Variants in PDZD2 observed in about 807,000 individuals in gnomAD.
PDZD2 encodes PDZ domain-containing protein 2.
In PDZD2, 90 loss-of-function variants were observed where a neutral mutation model predicts 220.7. The ratio of observed to expected loss-of-function variants is 0.41; its 90% confidence interval spans 0.34 to 0.49. The LOEUF (loss-of-function observed/expected upper bound fraction) is 0.49. PDZD2 is among the 20% of genes least tolerant of loss of function. The pLI is 0.28. For missense variants in PDZD2, 3,174 were observed against 3,608.5 expected, an observed-to-expected ratio of 0.88 and a Z score of 3.08; for synonymous variants, 1,375 against 1,450.5, an observed-to-expected ratio of 0.95 and a Z score of 1.18.
At chr5:31,680,529 T>A (rs1490567339) in intron 1 of PDZD2, among the ~76,000 whole-genome samples, 1 of 151,496 alleles carries the variant, frequency 6.6e-6, no homozygotes, top group Non-Finnish European at 1.5e-5. Context: ...AAAAAAAAAA[T>A]ACTCCTCATT....
In PDZD2 at chr5:31,908,825, A is replaced by G. The variant is rs1297039054; in HGVS notation, c.477-74330A>G. 1.2e-5 allele frequency: 7 copies of G among 588,866 alleles called. No homozygotes were observed. In the East Asian group the frequency reaches 3.5e-4, roughly 30 times the overall value. 36.5% of individuals were successfully genotyped at this position (588,866 alleles called of 1,614,324 possible). On this transcript the variant is annotated intron_variant, in intron 2 of 24. Transcript: ENST00000438447. ...TTTGGGAGGCTGAGGCGGGAGGATCACTTGAGCTCAGGAGTTTGAGACCAG... is the reference window on the plus strand; with the variant it reads ...TTTGGGAGGCTGAGGCGGGAGGATCGCTTGAGCTCAGGAGTTTGAGACCAG...
intron 2 of PDZD2, among the ~76,000 whole-genome samples, chr5:31,969,643 G>A (rs899555714): frequency 7.2e-5 from 11 of 151,812 alleles, no homozygotes; most frequent in Non-Finnish European, 1.6e-4. Context: ...GTGGGCATGA[G>A]GGATCTTATT....
At chr5:32,107,934 C>G (rs1744951009) in intron 24 of PDZD2, 35 bp from the exon 25 acceptor site, 1 of 1,513,266 alleles carries the variant, frequency 6.6e-7, no homozygotes, top group African/African-American at 1.4e-5. Flanking sequence ...TATGAAACTG[C>G]CAAGCTATTA....
chr5:32,026,575 C>A (rs1754685313), intron 6 of PDZD2, among the ~76,000 whole-genome samples: 1 of 152,088 alleles, frequency 6.6e-6, no homozygotes, highest in African/African-American at 2.4e-5. Context: ...ACACACACAC[C>A]TGATTTTGTC....
intron 1 of PDZD2, among the ~76,000 whole-genome samples, chr5:31,790,881 G>A (rs1753675562): frequency 6.6e-6 from 1 of 151,472 alleles, no homozygotes; most frequent in Non-Finnish European, 1.5e-5. Context: ...TGTATTTTTA[G>A]TAGAGACGGG....
chr5:32,058,498 G>A (rs1355184681), intron 12 of PDZD2, among the ~76,000 whole-genome samples: 5 of 132,256 alleles, frequency 3.8e-5, no homozygotes, highest in South Asian at 2.4e-4. Context: ...GCGAAACCCC[G>A]TTTCTACTAA....
At chr5:31,894,347 T>C (rs1194928132) in intron 2 of PDZD2, among the ~76,000 whole-genome samples, 4 of 152,070 alleles carry the variant, frequency 2.6e-5, no homozygotes, top group Non-Finnish European at 4.4e-5. Context: ...TCTGGTGTAC[T>C]CTTGAATGGA....
At position 32,043,904 on chromosome 5, in the gene PDZD2, G is replaced by T. The variant is rs182490291; in HGVS notation, c.1520-4635G>T. Among the ~76,000 whole-genome samples, 608 of 152,222 alleles carry T rather than the reference G, an allele frequency of 4.0e-3. 1 individual carries two copies. The highest frequency in any genetic ancestry group is 0.013 in the African/African-American group (557 of 41,540). Reference sequence around the variant, plus strand: ...GGCCTCCCAAAGTGCTGGGATATCAGATGTGAGCCACCGTGCACGACCTAA... The same window carrying T: ...GGCCTCCCAAAGTGCTGGGATATCATATGTGAGCCACCGTGCACGACCTAA... On this transcript the variant is annotated intron_variant, in intron 7 of 24. Coordinates refer to ENST00000438447, the MANE Select transcript of PDZD2 (RefSeq NM_178140.4).
intron 2 of PDZD2, among the ~76,000 whole-genome samples, chr5:31,929,381 A>G (rs1267586833): frequency 6.6e-6 from 1 of 152,198 alleles, no homozygotes; most frequent in African/African-American, 2.4e-5. Context: ...CTTGCATACC[A>G]TCAAATGTTT....
chr5:31,774,700 CAA>C (rs978838036), intron 1 of PDZD2, among the ~76,000 whole-genome samples: 3 of 151,284 alleles, frequency 2.0e-5, no homozygotes, highest in Non-Finnish European at 2.9e-5. Context: ...GCCTGTGAAA[CAA>C]GAGCAAAACT....
At chr5:31,977,763 A>G (rs1749916323) in intron 2 of PDZD2, among the ~76,000 whole-genome samples, 1 of 152,168 alleles carries the variant, frequency 6.6e-6, no homozygotes, top group Admixed American at 6.5e-5. Flanking sequence ...ACTTGAGGCC[A>G]GGAGTTCGAG....
At chr5:32,026,689 G>A (rs1201417138) in intron 6 of PDZD2, among the ~76,000 whole-genome samples, 1 of 152,160 alleles carries the variant, frequency 6.6e-6, no homozygotes, top group African/African-American at 2.4e-5. Flanking sequence ...GGTCTACCTT[G>A]AGTAGCCAGC....
Position 32,101,211 on chromosome 5 carries a change from GC to G in PDZD2, c.8328del (p.Leu2777TrpfsTer17), listed in dbSNP as rs762278494. On this transcript the variant is annotated frameshift_variant, in exon 24 of 25. Coordinates refer to ENST00000438447, the MANE Select transcript of PDZD2 (RefSeq NM_178140.4). LOFTEE classifies it high-confidence loss of function. The stretch of plus-strand genomic sequence containing the variant: ...GAAAATCATCGGTGACGGGAGATGG[GC>G]CCTTGGTCATTAAAAGAGTGTACAA... ...GGKSSVTGDG[P>X]LVIKRVYKGG... The G allele has an allele frequency of 6.2e-7, 1 of 1,613,794 alleles. No individual in the cohort carries two copies. Among genetic ancestry groups the G allele is most frequent in the African/African-American group, 1.3e-5 (1 of 74,894 alleles).
intron 1 of PDZD2, among the ~76,000 whole-genome samples, chr5:31,702,098 T>C (rs72755415): frequency 0.14 from 20,914 of 152,194 alleles, 1,573 homozygotes; most frequent in East Asian, 0.24. Flanking sequence ...ATCCCCAACA[T>C]CCCCAACCCT....
intron 1 of PDZD2, among the ~76,000 whole-genome samples, chr5:31,729,114 TTTTTTTGA>T (rs1323279430): frequency 2.3e-5 from 3 of 132,984 alleles, no homozygotes; most frequent in Non-Finnish European, 5.0e-5. Context: ...TTTTTTTTTT[TTTTTTTGA>T]GACAGAGTTT....
chr5:31,794,719 C>G (rs2150224526), intron 1 of PDZD2, among the ~76,000 whole-genome samples: 1 of 152,066 alleles, frequency 6.6e-6, no homozygotes, highest in South Asian at 2.1e-4. Flanking sequence ...TAGTTGGTTT[C>G]TTTTAAAAAA....
chr5:32,027,849 C>T (rs942810487), intron 6 of PDZD2, among the ~76,000 whole-genome samples: 14 of 152,284 alleles, frequency 9.2e-5, no homozygotes, highest in African/African-American at 2.6e-4. Context: ...GGTTCTCCTT[C>T]GGTCACTCAA....
At chr5:31,843,868 C>T (rs1267970544) in intron 2 of PDZD2, 3 of 152,154 alleles carry the variant, frequency 2.0e-5, no homozygotes, top group Non-Finnish European at 2.9e-5. Flanking sequence ...GAGAGGAAGC[C>T]ACGTTTTTCA....
intron 2 of PDZD2, among the ~76,000 whole-genome samples, chr5:31,810,473 C>T (rs534805184): frequency 1.3e-5 from 2 of 152,216 alleles, no homozygotes. Context: ...CACTGTGTTA[C>T]CCAGGATGGT....
Sources: gnomAD v4.1 joint callset for allele counts (sites outside exome capture counted in the v4.1 genomes callset) on GRCh38, gnomAD v4.1.1 for gene constraint, MANE v1.5 for transcripts, NCBI Gene and HGNC (gene_info 2026-07-23, HGNC 2026-07-21) for gene names.